GTF2H1: variants seen among roughly 807,000 people sequenced by gnomAD.
GTF2H1 encodes the protein BTF2 p62.
Under a neutral mutation model 71.2 loss-of-function variants are expected in GTF2H1, and 16 were observed. The observed-to-expected ratio is 0.22, with a 90% CI of 0.15 to 0.34. The LOEUF is 0.34. Among genes scored for constraint, GTF2H1 ranks in the 10% least tolerant of loss-of-function variants. GTF2H1 has a pLI of 1.00. For missense variants in GTF2H1, 498 were observed against 648.2 expected (o/e 0.77, Z 2.52); for synonymous variants, 215 against 219.0 (o/e 0.98, Z 0.16).
At chr11:18,328,428 T>G (rs1471302625) in intron 1 of GTF2H1, among the ~76,000 whole-genome samples, 2 of 139,190 alleles carry the variant, frequency 1.4e-5, no homozygotes, top group Non-Finnish European at 3.1e-5. Context: ...AGGGAGAGTT[T>G]CCTGGAACTG....
chr11:18,358,658 A>C lies in GTF2H1; in HGVS notation c.1467+18A>C. 1 of 1,413,264 alleles carries C rather than the reference A, an allele frequency of 7.1e-7. No individual in the cohort carries two copies. Among genetic ancestry groups the C allele is most frequent in the Non-Finnish European group, 1.0e-6 (1 of 998,218 alleles). 87.5% of individuals were successfully genotyped at this position (1,413,264 alleles called of 1,614,324 possible). A position where few individuals can be genotyped will look rare whatever the true frequency, so the allele number is the denominator to read the frequency against. ...AAGAAAAGGTTAGAACCAGTTCTGA[A>C]GACAGCCAGATAATTGTGGTAGTGA... On this transcript the variant is annotated intron_variant, in intron 13 of 14. Coordinates refer to ENST00000265963, the MANE Select transcript of GTF2H1 (RefSeq NM_005316.4).
intron 7 of GTF2H1, among the ~76,000 whole-genome samples, chr11:18,345,948 G>T (rs1308652006): frequency 6.6e-6 from 1 of 151,754 alleles, no homozygotes; most frequent in East Asian, 1.9e-4. Flanking sequence ...CCGCCACCTC[G>T]CCCGGCTAAT....
chr11:18,330,849 A>C (rs1864877637), intron 1 of GTF2H1, among the ~76,000 whole-genome samples: 1 of 152,190 alleles, frequency 6.6e-6, no homozygotes, highest in South Asian at 2.1e-4. Flanking sequence ...TTTGTTGGAT[A>C]AATGTATTCA....
At chr11:18,347,799 T>TA (rs760726187) in intron 8 of GTF2H1, 33 bp from the exon 9 acceptor site, 2 of 1,595,212 alleles carry the variant, frequency 1.3e-6, no homozygotes, top group South Asian at 2.2e-5. Flanking sequence ...TTGTGGTTTT[T>TA]AACGTTAACT....
chr11:18,337,113 G>T (rs1865046048), intron 3 of GTF2H1, among the ~76,000 whole-genome samples: 1 of 152,100 alleles, frequency 6.6e-6, no homozygotes, highest in Non-Finnish European at 1.5e-5. Context: ...TTATATCTGT[G>T]CATGCTTAGC....
Position 18,352,940 on chromosome 11 carries a change from T to C in GTF2H1, c.1260+494T>C, listed in dbSNP as rs371322957. On this transcript the variant is annotated intron_variant, in intron 11 of 14. Coordinates refer to ENST00000265963, the MANE Select transcript of GTF2H1 (RefSeq NM_005316.4). ...CAAGTTGTCTTTCTAAAATCACTTATTTTGGCCGGGCACAGTGGCTCACGC... is the reference window on the plus strand; with the variant it reads ...CAAGTTGTCTTTCTAAAATCACTTACTTTGGCCGGGCACAGTGGCTCACGC... 1.6e-4 allele frequency among the ~76,000 whole-genome samples: 25 copies of C among 152,368 alleles called. No individual in the cohort carries two copies. In the South Asian group the frequency reaches 3.3e-3, roughly 20 times the overall value.
At position 18,352,332 on chromosome 11, in the gene GTF2H1, T is replaced by C; in HGVS notation, c.1146T>C (p.Tyr382=). The change falls in exon 11 of 15, where the codon TAT becomes TAC. Residue 382 remains tyrosine (Y), a synonymous_variant. Transcript: ENST00000265963. ...IALNLKKSDR[Y]YHGPTPIQSL... is the part of the protein sequence containing the mutation. ...TTTCTTCTGTGCTAACCTGCAGGTA[T>C]TATCATGGTCCAACTCCAATCCAGT... 1 of 1,374,072 alleles carries C rather than the reference T, an allele frequency of 7.3e-7. No homozygotes were observed. Among genetic ancestry groups the C allele is most frequent in the Non-Finnish European group, 1.0e-6 (1 of 963,942 alleles). 85.1% of individuals were successfully genotyped at this position (1,374,072 alleles called of 1,614,324 possible). A position where few individuals can be genotyped will look rare whatever the true frequency, so the allele number is the denominator to read the frequency against.
rs1865077239 is a variant in GTF2H1, at chr11:18,338,183, A to C, written c.422A>C (p.Glu141Ala). 1.9e-6 allele frequency: 3 copies of C among 1,607,104 alleles called. No homozygotes were observed. Among genetic ancestry groups the C allele is most frequent in the Non-Finnish European group, 1.7e-6 (2 of 1,173,756 alleles). Reference sequence around the variant, plus strand: ...GTGAGTCAAGTGATCAGTGCTGAGGAATTCTGGGCCAATCGTTTAAATGTG... The same window carrying C: ...GTGAGTCAAGTGATCAGTGCTGAGGCATTCTGGGCCAATCGTTTAAATGTG... ...LVVSQVISAE[E>A]FWANRLNVNA... Residue 141 changes from glutamate to alanine, a missense_variant, in exon 4 of 15, where the codon GAA becomes GCA. Physicochemically the swap from Glu to Ala is moderately radical, Grantham distance 107. Transcript: ENST00000265963.
chr11:18,329,248 G>T (rs1477397373), intron 1 of GTF2H1, among the ~76,000 whole-genome samples: 4 of 152,192 alleles, frequency 2.6e-5, no homozygotes, highest in African/African-American at 9.7e-5. Context: ...GTTTGCAAAT[G>T]CCTACATAAT....
chr11:18,324,015 GAA>G (rs1864677423), intron 1 of GTF2H1, among the ~76,000 whole-genome samples: 1 of 151,536 alleles, frequency 6.6e-6, no homozygotes, highest in Admixed American at 6.6e-5. Context: ...TCAGAAAGGA[GAA>G]AAAAGAGATG....
intron 11 of GTF2H1, among the ~76,000 whole-genome samples, chr11:18,357,696 CA>C (rs1039964775): frequency 2.6e-5 from 4 of 152,114 alleles, no homozygotes; most frequent in African/African-American, 9.7e-5. Context: ...TTTAACTAGG[CA>C]AAACCTTGGG....
chr11:18,344,490 A>G (rs1865237495), intron 7 of GTF2H1, among the ~76,000 whole-genome samples: 1 of 151,880 alleles, frequency 6.6e-6, no homozygotes, highest in African/African-American at 2.4e-5. Context: ...CTGGCGGCAC[A>G]TGCCTGTAAT....
chr11:18,329,532 T>A (rs1051233589), intron 1 of GTF2H1, among the ~76,000 whole-genome samples: 1 of 152,210 alleles, frequency 6.6e-6, no homozygotes, highest in Admixed American at 6.5e-5. Context: ...CAGATTAATT[T>A]CTAAAATACA....
At chr11:18,352,100 T>G (rs779810707) in intron 10 of GTF2H1, 131 bp downstream of exon 10, 1 of 652,002 alleles carries the variant, frequency 1.5e-6, no homozygotes, top group Non-Finnish European at 2.7e-6. Flanking sequence ...GTTTAAAATT[T>G]AGGCTTCTCA....
intron 1 of GTF2H1, among the ~76,000 whole-genome samples, chr11:18,328,340 G>A (rs570792555): frequency 5.3e-4 from 80 of 150,036 alleles, no homozygotes; most frequent in Non-Finnish European, 7.0e-4. Flanking sequence ...GCGAAACCCC[G>A]TCTCTACTAA....
intron 14 of GTF2H1, among the ~76,000 whole-genome samples, chr11:18,360,936 G>A (rs1461671192): frequency 6.6e-6 from 1 of 151,736 alleles, no homozygotes; most frequent in Non-Finnish European, 1.5e-5. Flanking sequence ...CTTCTGAGTA[G>A]CTGAGATTAC....
rs1322177248 is a variant in GTF2H1 at position 18,355,299 on chromosome 11, C to T, written c.1261-2653C>T. Among the ~76,000 whole-genome samples, 5 of 151,606 alleles carry T rather than the reference C, an allele frequency of 3.3e-5. 1 individual carries two copies. The highest frequency in any genetic ancestry group is 6.8e-3 in the Middle Eastern group (2 of 294). The stretch of plus-strand genomic sequence containing the variant: ...CTGGGACTATAGGCGCCCGCCACCA[C>T]GCCTGGCTAATTTTTTTGTATTTTT... On this transcript the variant is annotated intron_variant, in intron 11 of 14. Transcript: ENST00000265963.
chr11:18,351,304 A>G lies in GTF2H1; in HGVS notation c.1054-577A>G, dbSNP rs868238167. On this transcript the variant is annotated intron_variant, in intron 9 of 14. Transcript: ENST00000265963. ...GGCGGAATTTTTTTTTTTTTTTTTG[A>G]TGAAGTCTCACTTGTCGCCCAGGCT... 1.8e-3 allele frequency among the ~76,000 whole-genome samples: 213 copies of G among 116,942 alleles called. 1 individual carries two copies. The highest frequency in any genetic ancestry group is 6.7e-3 in the African/African-American group (210 of 31,242). 76.7% of individuals were successfully genotyped at this position (116,942 alleles called of 152,430 possible).
intron 7 of GTF2H1, among the ~76,000 whole-genome samples, chr11:18,344,853 C>G (rs558931116): frequency 1.6e-4 from 24 of 152,084 alleles, no homozygotes; most frequent in Non-Finnish European, 2.8e-4. Flanking sequence ...ATGCACTTAA[C>G]TGATCTTCTA....
Sources: allele counts gnomAD v4.1 joint callset (sites outside exome capture counted in the v4.1 genomes callset), GRCh38; gene constraint gnomAD v4.1.1; transcripts MANE v1.5; gene names NCBI Gene and HGNC (gene_info 2026-07-23, HGNC 2026-07-21).